The following RBMS3 variants were observed in gnomAD, a reference collection of about 807,000 sequenced individuals.
RBMS3 encodes the protein RNA binding motif single stranded interacting protein 3.
Under a neutral mutation model 66.8 loss-of-function variants are expected in RBMS3, and 27 were observed. That is an observed-to-expected ratio of 0.40 (90% confidence interval 0.30 to 0.56). The LOEUF (loss-of-function observed/expected upper bound fraction) is 0.56. Ranked by LOEUF, RBMS3 falls within the 20% of genes least tolerant of loss-of-function variation. The pLI, the probability that RBMS3 is intolerant of heterozygous loss-of-function variation, is 0.40. For synonymous variants in RBMS3, 188 were observed against 183.0 expected (o/e 1.03, Z -0.22); for missense variants, 513 against 549.5 (o/e 0.93, Z 0.66).
At chr3:29,496,649 C>T (rs528200359) in intron 3 of RBMS3, among the ~76,000 whole-genome samples, 3 of 152,300 alleles carry the variant, frequency 2.0e-5, no homozygotes, top group Admixed American at 2.0e-4. Context: ...AAAGGCAATA[C>T]TTCTGCCAAA....
intron 6 of RBMS3, among the ~76,000 whole-genome samples, chr3:29,776,065 T>A (rs2056416299): frequency 6.6e-6 from 1 of 152,018 alleles, no homozygotes; most frequent in African/African-American, 2.4e-5. Context: ...CAACTCAATA[T>A]TTGCTTACAT....
chr3:29,402,906 A>G (rs751189561), intron 1 of RBMS3, among the ~76,000 whole-genome samples: 1 of 151,980 alleles, frequency 6.6e-6, no homozygotes, highest in Non-Finnish European at 1.5e-5. Context: ...GCAGTTCTAA[A>G]CAGTAGGAGA....
chr3:29,359,527 C>T (rs557036671), intron 1 of RBMS3, among the ~76,000 whole-genome samples: 34 of 152,184 alleles, frequency 2.2e-4, no homozygotes, highest in African/African-American at 2.4e-5. Flanking sequence ...TGTGTCGCTG[C>T]CAGGCTTTGG....
intron 4 of RBMS3, among the ~76,000 whole-genome samples, chr3:29,636,776 A>G (rs1188258971): frequency 6.6e-6 from 1 of 151,946 alleles, no homozygotes; most frequent in African/African-American, 2.4e-5. Context: ...TCTTTCTGTC[A>G]TGGGAGGCGG....
At chr3:29,988,035 C>T (rs376214918) in intron 12 of RBMS3, 108 bp from the exon 13 acceptor site, 3 of 817,300 alleles carry the variant, frequency 3.7e-6, no homozygotes, top group Non-Finnish European at 3.9e-6. Flanking sequence ...GGAAAAAATA[C>T]ACACTGGCTA....
At chr3:29,751,211 A>C (rs575517605) in intron 5 of RBMS3, among the ~76,000 whole-genome samples, 1 of 152,306 alleles carries the variant, frequency 6.6e-6, no homozygotes, top group Non-Finnish European at 1.5e-5. Flanking sequence ...ATACTACACA[A>C]AATTCTTGTT....
chr3:30,006,371 T>A lies in RBMS3; in HGVS notation c.*2509T>A, dbSNP rs1457944024. On this transcript the variant is annotated 3_prime_UTR_variant, in exon 15 of 15. Transcript: ENST00000383767. Reference sequence around the variant, plus strand: ...CTGGAAGCCCAAATCAGAGAATGACTCCATATATTTATGGTCACATTGGAG... The same window carrying A: ...CTGGAAGCCCAAATCAGAGAATGACACCATATATTTATGGTCACATTGGAG... 2 of 151,870 alleles carry A rather than the reference T, an allele frequency of 1.3e-5. No individual in the cohort carries two copies. Among genetic ancestry groups the A allele is most frequent in the Non-Finnish European group, 2.9e-5 (2 of 67,842 alleles). The allele number at this position is 151,870 out of a possible 1,614,324, so 9.4% of individuals were successfully genotyped here.
intron 1 of RBMS3, among the ~76,000 whole-genome samples, chr3:29,394,597 A>G (rs1327265968): frequency 6.6e-6 from 1 of 152,210 alleles, no homozygotes; most frequent in Non-Finnish European, 1.5e-5. Context: ...AAGAAATTAT[A>G]AAAGTATTAA....
intron 4 of RBMS3, among the ~76,000 whole-genome samples, chr3:29,714,903 G>A (rs1176720256): frequency 6.6e-6 from 1 of 152,038 alleles, no homozygotes; most frequent in African/African-American, 2.4e-5. Context: ...TTTTTCTCCT[G>A]GGCCTTAGTC....
intron 6 of RBMS3, among the ~76,000 whole-genome samples, chr3:29,810,288 T>C (rs1244495249): frequency 5.3e-5 from 8 of 152,110 alleles, no homozygotes; most frequent in Non-Finnish European, 1.0e-4. Context: ...TCTCCAGTTA[T>C]AAATTTTTAT....
chr3:29,667,938 A>G (rs2050833514), intron 4 of RBMS3, among the ~76,000 whole-genome samples: 1 of 152,190 alleles, frequency 6.6e-6, no homozygotes, highest in Non-Finnish European at 1.5e-5. Flanking sequence ...AAAATCGAGT[A>G]AGAAGTAACC....
intron 8 of RBMS3, among the ~76,000 whole-genome samples, chr3:29,884,411 A>G (rs956165222): frequency 3.8e-5 from 5 of 132,360 alleles, no homozygotes; most frequent in Non-Finnish European, 7.7e-5. Context: ...CTCTGCCCAC[A>G]TTAAACCCTG....
In RBMS3 at chr3:29,698,524, T is replaced by C. The variant is rs572888922; in HGVS notation, c.400-41196T>C. 4.1e-6 allele frequency: 4 copies of C among 985,386 alleles called. No individual in the cohort carries two copies. In the East Asian group the frequency reaches 3.4e-4, roughly 84 times the overall value. 61.0% of individuals were successfully genotyped at this position (985,386 alleles called of 1,614,324 possible). A position where few individuals can be genotyped will look rare whatever the true frequency, so the allele number is the denominator to read the frequency against. ...ATTTAAATGTGCCTATTTTTATGGA[T>C]GGTGGGTCAAGATGGCGGATTCAAT... On this transcript the variant is annotated intron_variant, in intron 4 of 14. Transcript: ENST00000383767.
intron 4 of RBMS3, among the ~76,000 whole-genome samples, chr3:29,674,445 C>T (rs11514590): frequency 3.3e-5 from 5 of 151,710 alleles, no homozygotes; most frequent in East Asian, 1.9e-4. Context: ...ATTCAGTTAG[C>T]GAAAGAGGAA....
At chr3:29,827,066 T>C (rs1692797224) in intron 6 of RBMS3, among the ~76,000 whole-genome samples, 1 of 152,140 alleles carries the variant, frequency 6.6e-6, no homozygotes, top group South Asian at 2.1e-4. Flanking sequence ...GCTACCTACA[T>C]TCCAGCAAGT....
At chr3:29,883,487 T>C (rs2059784762) in intron 7 of RBMS3, among the ~76,000 whole-genome samples, 1 of 152,096 alleles carries the variant, frequency 6.6e-6, no homozygotes, top group Non-Finnish European at 1.5e-5. Flanking sequence ...ATGAAGTTTA[T>C]ATTCTTTTCA....
At chr3:29,347,067 AG>A (rs2036620607) in intron 1 of RBMS3, among the ~76,000 whole-genome samples, 1 of 152,196 alleles carries the variant, frequency 6.6e-6, no homozygotes, top group South Asian at 2.1e-4. Flanking sequence ...ATGAACAAGG[AG>A]TTTCACCAAG....
chr3:29,908,699 T>C (rs990057631), intron 10 of RBMS3, among the ~76,000 whole-genome samples: 2 of 152,078 alleles, frequency 1.3e-5, no homozygotes. Context: ...TTGAGAAACT[T>C]GGGTTCAATG....
chr3:29,648,988 C>T (rs1270170240), intron 4 of RBMS3, among the ~76,000 whole-genome samples: 5 of 152,110 alleles, frequency 3.3e-5, no homozygotes, highest in Admixed American at 1.3e-4. Context: ...ATAAAGAAGG[C>T]GCCCTTAAGC....
Sources: allele counts gnomAD v4.1 joint callset (sites outside exome capture counted in the v4.1 genomes callset), GRCh38; gene constraint gnomAD v4.1.1; transcripts MANE v1.5; gene names NCBI Gene and HGNC (gene_info 2026-07-23, HGNC 2026-07-21).